The following FSD1L variants were observed in gnomAD, a reference collection of about 807,000 sequenced individuals.
The protein encoded by FSD1L is FSD1-like protein.
A neutral mutation model predicts 71.6 loss-of-function variants in FSD1L; 45 were observed. The observed-to-expected ratio is 0.63, with a 90% CI of 0.49 to 0.81. The LOEUF is 0.81. Among genes scored for constraint, FSD1L ranks in the 30% least tolerant of loss-of-function variants. FSD1L has a pLI of 0.00. For missense variants in FSD1L, 561 were observed against 618.1 expected, an observed-to-expected ratio of 0.91 and a Z score of 0.98; for synonymous variants, 197 against 207.2, an observed-to-expected ratio of 0.95 and a Z score of 0.42.
chr9:105,482,356 A>G (rs1444771762), intron 6 of FSD1L, among the ~76,000 whole-genome samples: 1 of 152,160 alleles, frequency 6.6e-6, no homozygotes, highest in Non-Finnish European at 1.5e-5. Flanking sequence ...TGCAGGAGTT[A>G]TTGGTTCTTG....
At chr9:105,488,778 G>A (rs535062331) in intron 7 of FSD1L, among the ~76,000 whole-genome samples, 23 of 148,380 alleles carry the variant, frequency 1.6e-4, no homozygotes, top group African/African-American at 5.2e-4. Context: ...CTTTTTTGGT[G>A]AGATGTCTGT....
chr9:105,543,979 C>G (rs967720016), intron 13 of FSD1L, among the ~76,000 whole-genome samples: 1 of 152,184 alleles, frequency 6.6e-6, no homozygotes, highest in Non-Finnish European at 1.5e-5. Context: ...AATGGTATTT[C>G]TAGTTCTAGA....
At chr9:105,469,413 G>A (rs1831292469) in intron 4 of FSD1L, among the ~76,000 whole-genome samples, 2 of 151,106 alleles carry the variant, frequency 1.3e-5, no homozygotes, top group Admixed American at 1.3e-4. Flanking sequence ...TTCTTCATGT[G>A]CTTGCCGGTG....
At chr9:105,533,577 C>T (rs1295399817) in intron 10 of FSD1L, among the ~76,000 whole-genome samples, 2 of 150,134 alleles carry the variant, frequency 1.3e-5, no homozygotes, top group Non-Finnish European at 1.5e-5. Flanking sequence ...CACCCACAAC[C>T]ACACCCAGCT....
upstream of FSD1L, chr9:105,447,908 C>T: frequency 2.0e-6 from 1 of 495,280 alleles, no homozygotes; most frequent in Non-Finnish European, 3.6e-6. Flanking sequence ...GGAGTGCAGC[C>T]TGCAGAGGCA....
rs1238966510 is a variant in FSD1L, at chr9:105,521,950, G to A, written c.1025+9014G>A. The A allele has an allele frequency of 2.0e-5, 33 of 1,612,534 alleles. No individual in the cohort carries two copies. In the South Asian group the frequency reaches 2.1e-4, roughly 10 times the overall value. On this transcript the variant is annotated intron_variant, in intron 10 of 13. Transcript: ENST00000481272. ...TGTAAACGCATTCTTAACATTTATC[G>A]GTACATGGTTGTACAAGTATCAATG...
In FSD1L at chr9:105,539,263, G is replaced by T; in HGVS notation, c.1379G>T (p.Gly460Val). Reference sequence around the variant, plus strand: ...TAGGCTTTTTTTCCTTCTTTTTTAGGTCAACTTTCATTCTATGATGCAAAT... The same window carrying T: ...TAGGCTTTTTTTCCTTCTTTTTTAGTTCAACTTTCATTCTATGATGCAAAT... ...KIGVFCDFDG[G>V]QLSFYDANSK... is the part of the protein sequence containing the mutation. Residue 460 changes from glycine (G) to valine (V), a missense_variant and splice_region_variant, in exon 13 of 14, where the codon GGT (glycine) becomes GTT (valine). Physicochemically the swap from Gly to Val is moderately radical, Grantham distance 109. Transcript: ENST00000481272. 7.1e-7 allele frequency: 1 copy of T among 1,411,698 alleles called. No homozygotes were observed. Among genetic ancestry groups the T allele is most frequent in the Non-Finnish European group, 9.5e-7 (1 of 1,047,498 alleles). The allele number at this position is 1,411,698 out of a possible 1,614,324, so 87.4% of individuals were successfully genotyped here. A position where few individuals can be genotyped will look rare whatever the true frequency, so the allele number is the denominator to read the frequency against.
In FSD1L at chr9:105,492,315, G is replaced by A. The variant is rs375069865; in HGVS notation, c.586+7813G>A. 1.1e-4 allele frequency among the ~76,000 whole-genome samples: 17 copies of A among 152,248 alleles called. No individual in the cohort carries two copies. In the East Asian group the frequency reaches 2.9e-3, roughly 26 times the overall value. ...GTGTTTGTAGTATTCTCTGATGGTA[G>A]TTTGTATTTCTGTGGCATCAGTGGT... On this transcript the variant is annotated intron_variant, in intron 7 of 13. Transcript: ENST00000481272.
intron 3 of FSD1L, 40 bp downstream of exon 3, chr9:105,464,371 C>T: frequency 1.1e-6 from 1 of 911,434 alleles, no homozygotes; most frequent in East Asian, 2.8e-5. Flanking sequence ...AAATATGTCA[C>T]AATGAGCCAA....
chr9:105,502,830 A>G (rs1235068974), intron 7 of FSD1L, among the ~76,000 whole-genome samples: 1 of 152,118 alleles, frequency 6.6e-6, no homozygotes, highest in East Asian at 1.9e-4. Flanking sequence ...TGATTAAAAA[A>G]AAAAAGAAAC....
At chr9:105,533,269 T>G (rs1381908660) in intron 10 of FSD1L, among the ~76,000 whole-genome samples, 1 of 151,962 alleles carries the variant, frequency 6.6e-6, no homozygotes, top group Non-Finnish European at 1.5e-5. Context: ...TGAATGTTAG[T>G]AAACATCCCA....
chr9:105,521,470 G>T, intron 10 of FSD1L: 1 of 1,613,846 alleles, frequency 6.2e-7, no homozygotes, highest in East Asian at 2.2e-5. Context: ...TCTAAAAGGA[G>T]TAATGTAAAC....
chr9:105,484,648 GT>G (rs934467393), intron 7 of FSD1L, 146 bp downstream of exon 7: 86 of 482,020 alleles, frequency 1.8e-4, no homozygotes, highest in Non-Finnish European at 2.3e-4. Flanking sequence ...AAATTTGCTA[GT>G]TTTTTTTTAT....
At chr9:105,475,699 A>G (rs1045605055) in intron 5 of FSD1L, among the ~76,000 whole-genome samples, 1 of 152,254 alleles carries the variant, frequency 6.6e-6, no homozygotes, top group Non-Finnish European at 1.5e-5. Context: ...TGTCTTACAG[A>G]AATGCAATCT....
chr9:105,457,548 C>T (rs1830431551), intron 1 of FSD1L, among the ~76,000 whole-genome samples: 1 of 152,222 alleles, frequency 6.6e-6, no homozygotes, highest in Admixed American at 6.5e-5. Flanking sequence ...ATGATAGTAA[C>T]TTTTACTAAG....
At chr9:105,507,205 A>G (rs1834107544) in intron 8 of FSD1L, among the ~76,000 whole-genome samples, 1 of 152,222 alleles carries the variant, frequency 6.6e-6, no homozygotes, top group Non-Finnish European at 1.5e-5. Context: ...TTTCAAGATT[A>G]CCTTCATGTT....
chr9:105,451,633 A>C (rs1408060748), intron 1 of FSD1L, among the ~76,000 whole-genome samples: 3 of 152,208 alleles, frequency 2.0e-5, no homozygotes, highest in Admixed American at 6.5e-5. Flanking sequence ...GATTTTGTTT[A>C]TATCGAGTTT....
chr9:105,519,647 A>G (rs893892169), intron 10 of FSD1L, among the ~76,000 whole-genome samples: 4 of 152,260 alleles, frequency 2.6e-5, no homozygotes, highest in African/African-American at 9.6e-5. Flanking sequence ...GATGGAATGT[A>G]TCTCAAAATA....
intron 10 of FSD1L, chr9:105,521,187 T>G: frequency 6.2e-7 from 1 of 1,614,176 alleles, no homozygotes; most frequent in South Asian, 1.1e-5. Flanking sequence ...GCTGGTTTCT[T>G]TCTGGCTGGA....
Sources: gnomAD v4.1 joint callset for allele counts (sites outside exome capture counted in the v4.1 genomes callset) on GRCh38, gnomAD v4.1.1 for gene constraint, MANE v1.5 for transcripts, NCBI Gene and HGNC (gene_info 2026-07-23, HGNC 2026-07-21) for gene names.